Variants in ZNF516 observed in about 807,000 individuals in gnomAD.
The protein encoded by ZNF516 is zinc finger protein 516.
In ZNF516, 19 loss-of-function variants were observed where a neutral mutation model predicts 79.7. The observed-to-expected ratio is 0.24, with a 90% CI of 0.17 to 0.35. The LOEUF (loss-of-function observed/expected upper bound fraction) is 0.35, where lower values mean the gene tolerates loss of function less well. Ranked by LOEUF, ZNF516 falls within the 10% of genes least tolerant of loss-of-function variation. ZNF516 has a pLI of 1.00. For missense variants in ZNF516, 1,678 were observed against 1,679.5 expected, an observed-to-expected ratio of 1.00 and a Z score of 0.02; for synonymous variants, 877 against 739.5, an observed-to-expected ratio of 1.19 and a Z score of -3.02.
chr18:76,479,236 G>C (rs1435823453), intron 1 of ZNF516, among the ~76,000 whole-genome samples: 1 of 152,196 alleles, frequency 6.6e-6, no homozygotes, highest in African/African-American at 2.4e-5. Flanking sequence ...TACAGGGCAG[G>C]TAAAATGGTC....
At chr18:76,492,924 G>A (rs1016605228) in intron 1 of ZNF516, 1 of 985,614 alleles carries the variant, frequency 1.0e-6, no homozygotes, top group Non-Finnish European at 1.2e-6. Context: ...GCCTGCGGAT[G>A]CGCGGGGCTG....
At chr18:76,440,490 T>C (rs912485556) in intron 3 of ZNF516, among the ~76,000 whole-genome samples, 1 of 152,180 alleles carries the variant, frequency 6.6e-6, no homozygotes, top group Non-Finnish European at 1.5e-5. Flanking sequence ...CTTAAAACAA[T>C]TATGCAAAGC....
At chr18:76,377,329 A>G (rs765767324) in intron 4 of ZNF516, among the ~76,000 whole-genome samples, 3 of 152,280 alleles carry the variant, frequency 2.0e-5, no homozygotes, top group Non-Finnish European at 4.4e-5. Context: ...AAAAGTTCAC[A>G]AGTGCTCAGC....
At chr18:76,447,150 C>T (rs1254900877) in intron 2 of ZNF516, among the ~76,000 whole-genome samples, 2 of 152,150 alleles carry the variant, frequency 1.3e-5, no homozygotes, top group African/African-American at 4.8e-5. Flanking sequence ...GCAAAAATTG[C>T]TATTTAAGAC....
chr18:76,386,104 A>G (rs914264177), intron 3 of ZNF516: 3 of 152,140 alleles, frequency 2.0e-5, no homozygotes, highest in African/African-American at 7.2e-5. Flanking sequence ...TTCCACCCAT[A>G]ACGGATACAG....
intron 3 of ZNF516, among the ~76,000 whole-genome samples, chr18:76,438,886 G>T (rs142972797): frequency 4.6e-5 from 7 of 152,330 alleles, no homozygotes; most frequent in Non-Finnish European, 8.8e-5. Context: ...GCTGCTGCTT[G>T]TAAGAACCAC....
chr18:76,462,888 T>C (rs1339807960), intron 2 of ZNF516, 140 bp downstream of exon 2: 1 of 152,210 alleles, frequency 6.6e-6, no homozygotes, highest in Non-Finnish European at 1.5e-5. Flanking sequence ...TTTACCATCA[T>C]TTTACATTTT....
chr18:76,487,874 A>T (rs1370351128), intron 1 of ZNF516: 1 of 950,714 alleles, frequency 1.1e-6, no homozygotes, highest in Non-Finnish European at 1.3e-6. Context: ...CTGCCACTAC[A>T]CTTTCGGCCA....
chr18:76,399,144 C>T (rs2075184351), intron 3 of ZNF516, among the ~76,000 whole-genome samples: 1 of 152,086 alleles, frequency 6.6e-6, no homozygotes, highest in Non-Finnish European at 1.5e-5. Flanking sequence ...GCTGGTGCTA[C>T]GCGTGTGGTC....
At chr18:76,407,434 G>C (rs1002980976) in intron 3 of ZNF516, among the ~76,000 whole-genome samples, 1 of 152,078 alleles carries the variant, frequency 6.6e-6, no homozygotes, top group Non-Finnish European at 1.5e-5. Context: ...ACAAAGAAGA[G>C]GGGGGGAGTG....
At chr18:76,438,816 T>G (rs1305250596) in intron 3 of ZNF516, among the ~76,000 whole-genome samples, 1 of 152,366 alleles carries the variant, frequency 6.6e-6, no homozygotes, top group East Asian at 1.9e-4. Context: ...AACTGGGTAT[T>G]ACTGGAATGG....
chr18:76,384,021 G>A (rs1234977146), intron 3 of ZNF516, among the ~76,000 whole-genome samples: 3 of 152,296 alleles, frequency 2.0e-5, no homozygotes, highest in Admixed American at 6.5e-5. Flanking sequence ...AAACTAAGAC[G>A]AGGGGCCTCC....
intron 4 of ZNF516, among the ~76,000 whole-genome samples, chr18:76,375,507 G>A (rs1375044918): frequency 6.6e-6 from 1 of 151,708 alleles, no homozygotes; most frequent in Non-Finnish European, 1.5e-5. Flanking sequence ...TGGATACCAG[G>A]TAGAGGATGG....
intron 1 of ZNF516, among the ~76,000 whole-genome samples, chr18:76,491,215 C>T (rs1278617677): frequency 6.6e-6 from 1 of 150,710 alleles, no homozygotes; most frequent in East Asian, 2.0e-4. Context: ...CGCGGACCCC[C>T]GCCTGCCCCG....
rs372938482 is a variant in ZNF516, at chr18:76,462,199, A to G, written c.-158+829T>C. ...TCCACGCCAGAGGCCACCCCATCAC[A>G]GTGGGGAGCGGGCAGGACTTGCACC... On this transcript the variant is annotated intron_variant, in intron 2 of 6. Coordinates refer to ENST00000443185, the MANE Select transcript of ZNF516 (RefSeq NM_014643.4). Among the ~76,000 whole-genome samples the G allele has an allele frequency of 7.2e-4, 110 of 152,288 alleles. 1 individual carries two copies. Among genetic ancestry groups the G allele is most frequent in the African/African-American group, 2.4e-3 (100 of 41,560 alleles).
chr18:76,402,876 T>G (rs116308610), intron 3 of ZNF516, among the ~76,000 whole-genome samples: 60 of 152,126 alleles, frequency 3.9e-4, no homozygotes, highest in African/African-American at 1.4e-3. Context: ...CGTGTTCCCA[T>G]GCTGGCAGCT....
rs562528074 is a variant in ZNF516 at position 76,361,701 on chromosome 18, G to A, written c.*797C>T. 1.9e-4 allele frequency: 29 copies of A among 152,330 alleles called. No homozygotes were observed. Among genetic ancestry groups the A allele is most frequent in the African/African-American group, 6.7e-4 (28 of 41,556 alleles). 9.4% of individuals were successfully genotyped at this position (152,330 alleles called of 1,614,324 possible). On this transcript the variant is annotated 3_prime_UTR_variant, in exon 7 of 7. Coordinates refer to ENST00000443185, the MANE Select transcript of ZNF516 (RefSeq NM_014643.4). ...CAGAATGTAGCCCTGTTACAAAAAG[G>A]TCCTGAGAATAAACAAGAAGCCTGC...
At position 76,494,953 on chromosome 18, in the gene ZNF516, C is replaced by T. The variant is rs866811589; in HGVS notation, c.-272+191G>A. 6.6e-5 allele frequency among the ~76,000 whole-genome samples: 10 copies of T among 150,986 alleles called. 1 individual carries two copies. In the South Asian group the frequency reaches 1.9e-3, roughly 29 times the overall value. ...GGAATTGACGAGCAGAGCAACTACC[C>T]ACCGGGAAAGCCAAGTAGCCCTCCC... On this transcript the variant is annotated intron_variant, in intron 1 of 6. Transcript: ENST00000443185.
chr18:76,391,859 C>T (rs142766416), intron 3 of ZNF516, among the ~76,000 whole-genome samples: 162 of 152,310 alleles, frequency 1.1e-3, no homozygotes, highest in South Asian at 3.5e-3. Context: ...CCCTGAAGGC[C>T]GGAGACCCCA....
Sources: allele counts gnomAD v4.1 joint callset (sites outside exome capture counted in the v4.1 genomes callset), GRCh38; gene constraint gnomAD v4.1.1; transcripts MANE v1.5; gene names NCBI Gene and HGNC (gene_info 2026-07-23, HGNC 2026-07-21).